SLC36A1: variants seen among roughly 807,000 people sequenced by gnomAD.
The protein encoded by SLC36A1 is solute carrier family 36 member 1.
SLC36A1 carries 30 observed loss-of-function variants against 47.5 expected under a neutral mutation model. The ratio of observed to expected loss-of-function variants is 0.63; its 90% CI spans 0.47 to 0.86. SLC36A1 has a LOEUF of 0.86. SLC36A1 is among the 40% of genes least tolerant of loss of function. SLC36A1 has a pLI of 0.00. For synonymous variants in SLC36A1, 255 were observed against 249.7 expected (o/e 1.02, Z -0.20); for missense variants, 517 against 606.0 (o/e 0.85, Z 1.54).
chr5:151,411,827 ACCT>A, the SLC36A1 span, among the ~76,000 whole-genome samples: 1 of 143,656 alleles, frequency 7.0e-6, no homozygotes, highest in Non-Finnish European at 1.5e-5. Context: ...ACCAAACCAA[ACCT>A]CCTTCATAGC....
chr5:151,527,981 T>C, the SLC36A1 span: 1 of 1,613,336 alleles, frequency 6.2e-7, no homozygotes, highest in Non-Finnish European at 8.5e-7. Context: ...GGTGCGCCCC[T>C]CCCACATGAC....
intron 10 of SLC36A1, among the ~76,000 whole-genome samples, chr5:151,484,047 C>T (rs961880275): frequency 1.3e-5 from 2 of 152,142 alleles, no homozygotes; most frequent in East Asian, 1.9e-4. Flanking sequence ...CATGATGAAG[C>T]GGAAGATCTT....
At chr5:151,530,234 C>A in the SLC36A1 span, among the ~76,000 whole-genome samples, 1 of 149,698 alleles carries the variant, frequency 6.7e-6, no homozygotes. Context: ...CTGAACTTAC[C>A]ATCTATCTTA....
At chr5:151,542,746 C>G in the SLC36A1 span, 3 of 1,614,092 alleles carry the variant, frequency 1.9e-6, no homozygotes, top group African/African-American at 1.3e-5. Context: ...AAATACAGGC[C>G]TATTGTCATT....
At chr5:151,438,186 T>C (rs1261582096) in intron 1 of SLC36A1, among the ~76,000 whole-genome samples, 1 of 152,190 alleles carries the variant, frequency 6.6e-6, no homozygotes, top group Non-Finnish European at 1.5e-5. Context: ...CACCATACAT[T>C]CCACTTTACC....
chr5:151,531,589 G>A, the SLC36A1 span: 20 of 1,612,202 alleles, frequency 1.2e-5, no homozygotes, highest in Admixed American at 1.7e-5. This position sits in a 1 kb window ranked among gnomAD's most constrained non-coding sequence, Gnocchi z 5.7. Context: ...GCTCTCACCT[G>A]TGCGAGCATC....
chr5:151,525,895 G>A, the SLC36A1 span: 1 of 1,614,180 alleles, frequency 6.2e-7, no homozygotes, highest in East Asian at 2.2e-5. Context: ...CGAGTAGGGG[G>A]GGCCATTCTC....
At chr5:151,553,916 CTG>C in the SLC36A1 span, among the ~76,000 whole-genome samples, 1 of 152,204 alleles carries the variant, frequency 6.6e-6, no homozygotes, top group African/African-American at 2.4e-5. Flanking sequence ...AGCAATGAGA[CTG>C]GGGTTGAATT....
the SLC36A1 span, among the ~76,000 whole-genome samples, chr5:151,349,148 A>G: frequency 6.6e-6 from 1 of 152,178 alleles, no homozygotes; most frequent in Non-Finnish European, 1.5e-5. Context: ...CTGCTCGAGC[A>G]AGGTCAGTAA....
chr5:151,529,948 G>A, the SLC36A1 span, among the ~76,000 whole-genome samples: 31,857 of 152,176 alleles, frequency 0.21, 4,099 homozygotes, highest in East Asian at 0.39. Context: ...ATAGTTAATG[G>A]TGGACACTCT....
the SLC36A1 span, among the ~76,000 whole-genome samples, chr5:151,428,194 ATTTCTGATATT>A: frequency 3.9e-5 from 6 of 152,116 alleles, no homozygotes; most frequent in East Asian, 1.2e-3. Context: ...TCCTAAATAT[ATTTCTGATATT>A]TTTCTGCCTC....
chr5:151,384,514 C>T, the SLC36A1 span, among the ~76,000 whole-genome samples: 3 of 152,184 alleles, frequency 2.0e-5, no homozygotes, highest in Admixed American at 2.0e-4. Context: ...TACAATGCAT[C>T]AGACAATAGC....
At chr5:151,486,315 C>T (rs766530113) in intron 10 of SLC36A1, among the ~76,000 whole-genome samples, 2 of 152,168 alleles carry the variant, frequency 1.3e-5, no homozygotes, top group Non-Finnish European at 2.9e-5. Flanking sequence ...CACTTCCCAC[C>T]AGGCCCCACC....
At chr5:151,359,196 C>T in the SLC36A1 span, among the ~76,000 whole-genome samples, 1 of 152,154 alleles carries the variant, frequency 6.6e-6, no homozygotes. Flanking sequence ...TCTGAACCAT[C>T]ATTTCTTTGG....
the SLC36A1 span, among the ~76,000 whole-genome samples, chr5:151,541,155 A>G: frequency 6.6e-6 from 1 of 152,220 alleles, no homozygotes; most frequent in African/African-American, 2.4e-5. Context: ...AAACACTCCA[A>G]GGTTTTATTT....
the SLC36A1 span, among the ~76,000 whole-genome samples, chr5:151,368,370 T>C: frequency 6.6e-6 from 1 of 152,250 alleles, no homozygotes; most frequent in Non-Finnish European, 1.5e-5. Context: ...GTCTCTTGAA[T>C]TGCAATTCCT....
At chr5:151,500,648 G>A in the SLC36A1 span, among the ~76,000 whole-genome samples, 1 of 152,222 alleles carries the variant, frequency 6.6e-6, no homozygotes, top group Non-Finnish European at 1.5e-5. Flanking sequence ...GATTACAGGT[G>A]GGAGCCACTG....
the SLC36A1 span, among the ~76,000 whole-genome samples, chr5:151,528,960 T>C: frequency 2.0e-5 from 3 of 152,174 alleles, no homozygotes; most frequent in Non-Finnish European, 1.5e-5. Flanking sequence ...TCTGATCTTA[T>C]CATATGGCTC....
At chr5:151,430,209 G>A in the SLC36A1 span, among the ~76,000 whole-genome samples, 1 of 150,170 alleles carries the variant, frequency 6.7e-6, no homozygotes, top group Non-Finnish European at 1.5e-5. Flanking sequence ...CTGTTACCCA[G>A]GCTGGAGTGC....
Sources: gnomAD v4.1 joint callset for allele counts (sites outside exome capture counted in the v4.1 genomes callset) on GRCh38, gnomAD v4.1.1 for gene constraint, Gnocchi (gnomAD v3.1) non-coding constraint, MANE v1.5 for transcripts, NCBI Gene and HGNC (gene_info 2026-07-23, HGNC 2026-07-21) for gene names.